Variants in PPP3CB observed in about 807,000 individuals in gnomAD.
PPP3CB encodes the protein serine/threonine-protein phosphatase 2B catalytic subunit beta isoform.
PPP3CB carries 8 observed loss-of-function variants against 66.4 expected under a neutral mutation model. The ratio of observed to expected loss-of-function variants is 0.12; its 90% confidence interval spans 0.07 to 0.22. PPP3CB has a LOEUF of 0.22. Among genes scored for constraint, PPP3CB ranks in the 10% least tolerant of loss-of-function variants. PPP3CB has a pLI of 1.00. For synonymous variants in PPP3CB, 208 were observed against 221.2 expected, an observed-to-expected ratio of 0.94 and a Z score of 0.53; for missense variants, 319 against 642.5, an observed-to-expected ratio of 0.50 and a Z score of 5.44.
chr10:73,474,878 A>T, intron 4 of PPP3CB, 41 bp downstream of exon 4: 1 of 1,606,998 alleles, frequency 6.2e-7, no homozygotes, highest in Non-Finnish European at 8.5e-7. Flanking sequence ...AGTCCAAAAG[A>T]ATACTGAGGA....
In PPP3CB at chr10:73,471,491, G is replaced by T. The variant is rs759556518; in HGVS notation, c.646C>A (p.His216Asn). The change falls in exon 5 of 14, where the codon CAC becomes AAC. Residue 216 changes from histidine to asparagine, a missense_variant. Around this residue, in one of 5 missense-constraint regions of PPP3CB, gnomAD observed 19 missense variants for 17.0 expected, o/e 1.12. Coordinates refer to ENST00000360663, the MANE Select transcript of PPP3CB (RefSeq NM_021132.4). ...ACTCTCCTAATATCATCCAGTGTGT[G>T]TATTTCTGGTGAAAGTCCACCATGA... is the stretch of plus-strand genomic sequence containing the variant. Reference protein sequence around the residue: ...CVHGGLSPEIHTLDDIRRLDR... With the variant: ...CVHGGLSPEINTLDDIRRLDR... 6.2e-7 allele frequency: 1 copy of T among 1,610,152 alleles called. No homozygotes were observed. Among genetic ancestry groups the T allele is most frequent in the East Asian group, 2.2e-5 (1 of 44,760 alleles).
intron 9 of PPP3CB, among the ~76,000 whole-genome samples, chr10:73,459,956 T>C (rs1430331449): frequency 6.6e-6 from 1 of 152,176 alleles, no homozygotes; most frequent in Admixed American, 6.5e-5. Context: ...CTTTATGGTA[T>C]GTGAATTACA....
intron 11 of PPP3CB, among the ~76,000 whole-genome samples, chr10:73,445,576 G>C (rs1252806265): frequency 1.3e-5 from 2 of 151,606 alleles, no homozygotes; most frequent in Non-Finnish European, 2.9e-5. Flanking sequence ...CTCCCGAGTA[G>C]CTGGGACCAC....
chr10:73,452,170 T>TA (rs970208978), intron 10 of PPP3CB, among the ~76,000 whole-genome samples: 4 of 152,006 alleles, frequency 2.6e-5, no homozygotes, highest in South Asian at 2.1e-4. Flanking sequence ...GAAAACTTTC[T>TA]AAAAAAAAGT....
At chr10:73,452,960 C>T (rs1321921161) in intron 10 of PPP3CB, among the ~76,000 whole-genome samples, 3 of 152,184 alleles carry the variant, frequency 2.0e-5, no homozygotes, top group Non-Finnish European at 4.4e-5. Flanking sequence ...AAATAGGCTT[C>T]ATTCAGATTT....
chr10:73,468,507 A>G (rs968528208), intron 8 of PPP3CB, among the ~76,000 whole-genome samples: 6 of 152,218 alleles, frequency 3.9e-5, no homozygotes, highest in African/African-American at 1.4e-4. Context: ...TTTCTCATTT[A>G]TAAAACAGGA....
chr10:73,440,121 C>CA (rs1219728461), intron 12 of PPP3CB, among the ~76,000 whole-genome samples: 1 of 152,156 alleles, frequency 6.6e-6, no homozygotes, highest in East Asian at 1.9e-4. Flanking sequence ...CAACATCACT[C>CA]AGAGCACAGA....
intron 3 of PPP3CB, among the ~76,000 whole-genome samples, chr10:73,475,817 G>A (rs566710128): frequency 6.6e-6 from 1 of 152,206 alleles, no homozygotes; most frequent in Admixed American, 6.5e-5. Flanking sequence ...ATTTGATATG[G>A]AAATAAGCAT....
chr10:73,451,236 T>C (rs905014798), intron 10 of PPP3CB, among the ~76,000 whole-genome samples: 1 of 151,656 alleles, frequency 6.6e-6, no homozygotes, highest in African/African-American at 2.4e-5. Context: ...AGAAAATAAA[T>C]AACAATATCA....
intron 11 of PPP3CB, 68 bp downstream of exon 11, chr10:73,446,424 A>C: frequency 6.7e-7 from 1 of 1,482,376 alleles, no homozygotes; most frequent in Non-Finnish European, 9.4e-7. Flanking sequence ...GATGCGGGAC[A>C]ATGCTTGTAA....
intron 1 of PPP3CB, among the ~76,000 whole-genome samples, chr10:73,486,941 C>T (rs1283933791): frequency 8.5e-5 from 13 of 152,278 alleles, no homozygotes; most frequent in Middle Eastern, 6.8e-3. Context: ...GAGGCCAAGG[C>T]GGGTGGATTA....
chr10:73,452,061 T>A (rs1312758318), intron 10 of PPP3CB, among the ~76,000 whole-genome samples: 3 of 147,410 alleles, frequency 2.0e-5, no homozygotes, highest in Non-Finnish European at 4.5e-5. Context: ...CCTCATCTCT[T>A]AAAAAAAAAA....
intron 10 of PPP3CB, among the ~76,000 whole-genome samples, chr10:73,448,845 T>G (rs1465907267): frequency 6.6e-6 from 1 of 152,022 alleles, no homozygotes. Context: ...ATTTGAAAAA[T>G]GTAGTACTGT....
intron 1 of PPP3CB, among the ~76,000 whole-genome samples, chr10:73,487,250 CT>C: frequency 6.6e-6 from 1 of 151,910 alleles, no homozygotes; most frequent in Admixed American, 6.6e-5. Flanking sequence ...CAAAACCTAT[CT>C]AAAACTTAAG....
intron 9 of PPP3CB, among the ~76,000 whole-genome samples, chr10:73,462,949 CAAAAAAAAAAAAAAAAAAA>C (rs10569079): frequency 1.7e-5 from 1 of 58,784 alleles, no homozygotes; most frequent in Admixed American, 3.1e-4. Context: ...GACTCTGTCT[CAAAAAAAAAAAAAAAAAAA>C]AAAAAAAAAA....
intron 12 of PPP3CB, among the ~76,000 whole-genome samples, chr10:73,442,714 G>GTT (rs574022832): frequency 1.3e-3 from 182 of 139,154 alleles, no homozygotes; most frequent in African/African-American, 4.8e-3. Context: ...AAAGCAGGTT[G>GTT]TTTTTTTTTT....
At chr10:73,485,637 CA>C (rs1200524221) in intron 1 of PPP3CB, among the ~76,000 whole-genome samples, 4 of 152,212 alleles carry the variant, frequency 2.6e-5, no homozygotes, top group Non-Finnish European at 5.9e-5. Flanking sequence ...TTCCCTCATA[CA>C]ATTTCCTTCT....
In PPP3CB at chr10:73,438,248, G is replaced by A. The variant is rs928582605; in HGVS notation, c.1569C>T (p.Ala523=). 2 of 1,613,488 alleles carry A rather than the reference G, an allele frequency of 1.2e-6. No homozygotes were observed. The highest frequency in any genetic ancestry group is 1.7e-6 in the Non-Finnish European group (2 of 1,179,774). Residue 523 remains alanine (A), a synonymous_variant, in exon 14 of 14, where the codon GCC becomes GCT. Transcript: ENST00000360663. ...TENHGTGNHT[A]Q is the part of the protein sequence containing the mutation. ...GTCCCTGGGAAGTAGTGGGTCACTG[G>A]GCAGTATGGTTGCCCGTCCCGTGGT...
chr10:73,446,643 GCCTGTT>G, intron 10 of PPP3CB, 70 bp from the exon 11 acceptor site: 1 of 1,420,438 alleles, frequency 7.0e-7, no homozygotes, highest in African/African-American at 1.4e-5. Context: ...TATTCTATTA[GCCTGTT>G]CCACACTCAT....
Sources: gnomAD v4.1 joint callset for allele counts (sites outside exome capture counted in the v4.1 genomes callset) on GRCh38, gnomAD v4.1.1 for gene constraint, gnomAD v4.1.1 regional missense constraint, MANE v1.5 for transcripts, NCBI Gene and HGNC (gene_info 2026-07-23, HGNC 2026-07-21) for gene names.